Variants in DAB1 observed in about 807,000 individuals in gnomAD.
The protein encoded by DAB1 is disabled homolog 1.
A neutral mutation model predicts 64.6 loss-of-function variants in DAB1; 15 were observed. The ratio of observed to expected loss-of-function variants is 0.23; its 90% confidence interval spans 0.16 to 0.36. The LOEUF (loss-of-function observed/expected upper bound fraction) is 0.36. Ranked by LOEUF, DAB1 falls within the 10% of genes least tolerant of loss-of-function variation. DAB1 has a pLI of 1.00. For missense variants in DAB1, 596 were observed against 706.7 expected (o/e 0.84, Z 1.78); for synonymous variants, 235 against 251.9 (o/e 0.93, Z 0.64).
intron 1 of DAB1, among the ~76,000 whole-genome samples, chr1:57,307,636 C>G (rs563767386): frequency 1.3e-5 from 2 of 151,612 alleles, no homozygotes; most frequent in Admixed American, 1.3e-4. Context: ...TTCCTGTCTG[C>G]TGAACCTAGG....
intron 2 of DAB1, among the ~76,000 whole-genome samples, chr1:57,245,468 T>TC (rs1668796479): frequency 6.6e-6 from 1 of 152,124 alleles, no homozygotes; most frequent in Non-Finnish European, 1.5e-5. Context: ...TATATGATGT[T>TC]CCCCTTCCTG....
intron 5 of DAB1, among the ~76,000 whole-genome samples, chr1:57,931,287 G>T (rs1644949234): frequency 6.6e-6 from 1 of 152,120 alleles, no homozygotes; most frequent in African/African-American, 2.4e-5. Context: ...ATCTCATCAT[G>T]CTCATGAGTG....
intron 6 of DAB1, among the ~76,000 whole-genome samples, chr1:57,793,866 C>T (rs1330327387): frequency 6.6e-6 from 1 of 152,168 alleles, no homozygotes; most frequent in Admixed American, 6.5e-5. Context: ...GTTTTCTAGT[C>T]CTCAGTGTGT....
chr1:58,005,063 G>A (rs183712987), intron 5 of DAB1, among the ~76,000 whole-genome samples: 18,603 of 151,908 alleles, frequency 0.12, 1,315 homozygotes, highest in East Asian at 0.22. Flanking sequence ...AGTGAGCTTG[G>A]GTGTCCCTCT....
intron 7 of DAB1, among the ~76,000 whole-genome samples, chr1:57,477,907 C>T (rs886854349): frequency 5.3e-5 from 8 of 151,908 alleles, no homozygotes; most frequent in Admixed American, 3.3e-4. Context: ...AGACTCTATC[C>T]TATTTTTTTT....
chr1:58,538,653 G>A, intron 1 of DAB1: 1 of 492,560 alleles, frequency 2.0e-6, no homozygotes, highest in Non-Finnish European at 3.6e-6. Flanking sequence ...GCTAAATGGG[G>A]GGAGACAGGG....
intron 6 of DAB1, among the ~76,000 whole-genome samples, chr1:57,704,231 T>C (rs1027010758): frequency 5.9e-5 from 9 of 152,120 alleles, no homozygotes; most frequent in Admixed American, 3.9e-4. Flanking sequence ...TCTAAAAAAT[T>C]GGATGATTTT....
At chr1:57,684,665 C>T (rs1558608264) in intron 6 of DAB1, among the ~76,000 whole-genome samples, 2 of 152,098 alleles carry the variant, frequency 1.3e-5, no homozygotes, top group Non-Finnish European at 2.9e-5. Flanking sequence ...ACCACAAAAA[C>T]GCACTTAAAC....
At chr1:58,315,455 T>G (rs899833473) in intron 4 of DAB1, among the ~76,000 whole-genome samples, 2 of 152,174 alleles carry the variant, frequency 1.3e-5, no homozygotes, top group Non-Finnish European at 2.9e-5. Flanking sequence ...TTCCTTTCAT[T>G]TATCCAACAA....
intron 1 of DAB1, among the ~76,000 whole-genome samples, chr1:57,300,381 A>G (rs1673541212): frequency 1.3e-5 from 2 of 152,206 alleles, no homozygotes. Flanking sequence ...CACTGCCTCA[A>G]CCTGGAGATG....
At position 57,341,178 on chromosome 1, in the gene DAB1, C is replaced by A. The variant is rs183600805; in HGVS notation, c.-136-50012G>T. On this transcript the variant is annotated intron_variant, in intron 1 of 14. Transcript: ENST00000371236. ...CAGGGCAGGTTCTGGGGTAGGCAGT[C>A]CAATCTCAAAATCTATGCTCTTAAC... Among the ~76,000 whole-genome samples, 786 of 152,182 alleles carry A rather than the reference C, an allele frequency of 5.2e-3. 2 individuals carry two copies. Among genetic ancestry groups the A allele is most frequent in the Non-Finnish European group, 8.3e-3 (563 of 68,014 alleles).
At chr1:57,034,946 G>C (rs142682902) in intron 9 of DAB1, among the ~76,000 whole-genome samples, 218 of 152,288 alleles carry the variant, frequency 1.4e-3, no homozygotes, top group African/African-American at 5.0e-3. Flanking sequence ...AAGAATCAAT[G>C]TGCCCAGGCC....
Position 57,346,780 on chromosome 1 carries a change from G to A in DAB1, c.-136-55614C>T, listed in dbSNP as rs772558747. On this transcript the variant is annotated intron_variant, in intron 1 of 14. Coordinates refer to ENST00000371236, the MANE Select transcript of DAB1 (RefSeq NM_001365792.1). ...CATGAACTGACCAATTTTCAGACACGTATGCCAAGTTTTCAAGATAGACTG... is the reference window on the plus strand; with the variant it reads ...CATGAACTGACCAATTTTCAGACACATATGCCAAGTTTTCAAGATAGACTG... 4.6e-5 allele frequency among the ~76,000 whole-genome samples: 7 copies of A among 152,122 alleles called. No individual in the cohort carries two copies. In the East Asian group the frequency reaches 5.8e-4, roughly 13 times the overall value.
At chr1:57,172,002 GCGA>G (rs1403533732) in intron 2 of DAB1, among the ~76,000 whole-genome samples, 1 of 152,034 alleles carries the variant, frequency 6.6e-6, no homozygotes, top group Non-Finnish European at 1.5e-5. Flanking sequence ...AAGACTGGGA[GCGA>G]CACTGTTTCA....
chr1:58,228,829 C>T, intron 4 of DAB1: 2 of 651,934 alleles, frequency 3.1e-6, no homozygotes, highest in South Asian at 2.8e-5. Context: ...TAGACATAAC[C>T]AGCAAGAGAC....
At chr1:57,847,218 A>C (rs1441614293) in intron 1 of DAB1, among the ~76,000 whole-genome samples, 1 of 151,938 alleles carries the variant, frequency 6.6e-6, no homozygotes, top group Non-Finnish European at 1.5e-5. Flanking sequence ...CTCAGGGATG[A>C]TTTTTTTAGT....
intron 2 of DAB1, among the ~76,000 whole-genome samples, chr1:57,259,615 G>A (rs1311062796): frequency 6.6e-6 from 1 of 152,168 alleles, no homozygotes; most frequent in Non-Finnish European, 1.5e-5. Flanking sequence ...AGCAACGTGA[G>A]ATGCTGCAAA....
At chr1:57,429,126 G>A (rs995860776) in intron 7 of DAB1, among the ~76,000 whole-genome samples, 8 of 151,950 alleles carry the variant, frequency 5.3e-5, no homozygotes, top group South Asian at 2.1e-4. Context: ...TGTTTTTCAC[G>A]CTGATTTTCA....
chr1:58,003,696 G>A (rs1646539549), intron 5 of DAB1, among the ~76,000 whole-genome samples: 1 of 152,116 alleles, frequency 6.6e-6, no homozygotes, highest in South Asian at 2.1e-4. Flanking sequence ...TTTTTGACTG[G>A]CATCTGTGGA....
Sources: gnomAD v4.1 joint callset for allele counts (sites outside exome capture counted in the v4.1 genomes callset) on GRCh38, gnomAD v4.1.1 for gene constraint, MANE v1.5 for transcripts, NCBI Gene and HGNC (gene_info 2026-07-23, HGNC 2026-07-21) for gene names.